Variants in PTPRG observed in about 807,000 individuals in gnomAD.
PTPRG encodes protein tyrosine phosphatase receptor type G.
In PTPRG, 102 loss-of-function variants were observed where a neutral mutation model predicts 165.3. That is an observed-to-expected ratio of 0.62 (90% CI 0.53 to 0.73). The LOEUF (loss-of-function observed/expected upper bound fraction) is 0.73. Among genes scored for constraint, PTPRG ranks in the 30% least tolerant of loss-of-function variants. The pLI is 0.00. For missense variants in PTPRG, 1,866 were observed against 1,861.4 expected (o/e 1.00, Z -0.05); for synonymous variants, 675 against 669.5 (o/e 1.01, Z -0.13).
chr3:62,241,839 C>T (rs1455509354), intron 14 of PTPRG, among the ~76,000 whole-genome samples: 1 of 151,914 alleles, frequency 6.6e-6, no homozygotes, highest in Admixed American at 6.5e-5. Context: ...TAAATTGCAT[C>T]CCATTCATCT....
chr3:61,732,328 A>G (rs2032533856), intron 1 of PTPRG, among the ~76,000 whole-genome samples: 1 of 152,200 alleles, frequency 6.6e-6, no homozygotes, highest in African/African-American at 2.4e-5. Context: ...CTGTAATCCC[A>G]GCACTATGGG....
At chr3:62,154,265 A>C (rs1211932949) in intron 6 of PTPRG, among the ~76,000 whole-genome samples, 1 of 152,170 alleles carries the variant, frequency 6.6e-6, no homozygotes, top group Non-Finnish European at 1.5e-5. Flanking sequence ...ACAAAGTCCT[A>C]AGATTCAATG....
At chr3:62,089,361 C>A (rs1701854796) in intron 5 of PTPRG, among the ~76,000 whole-genome samples, 1 of 152,166 alleles carries the variant, frequency 6.6e-6, no homozygotes, top group South Asian at 2.1e-4. Context: ...ATGATTTTCC[C>A]CATGTTCCTC....
At chr3:62,220,547 AAGG>A (rs1700627097) in intron 13 of PTPRG, among the ~76,000 whole-genome samples, 2 of 152,124 alleles carry the variant, frequency 1.3e-5, no homozygotes, top group South Asian at 2.1e-4. Context: ...AAGAATAAGG[AAGG>A]AGGTCATCTC....
At chr3:62,016,013 A>G (rs1179995941) in intron 4 of PTPRG, among the ~76,000 whole-genome samples, 1 of 152,108 alleles carries the variant, frequency 6.6e-6, no homozygotes, top group East Asian at 1.9e-4. Context: ...ATCAGTTTTC[A>G]CTGCATAATA....
At chr3:61,903,484 G>A (rs1383348272) in intron 2 of PTPRG, among the ~76,000 whole-genome samples, 9 of 152,164 alleles carry the variant, frequency 5.9e-5, no homozygotes, top group South Asian at 4.2e-4. Flanking sequence ...GGTGATTCTC[G>A]TGTCTCAGCC....
chr3:61,679,324 T>C (rs114416245), intron 1 of PTPRG, among the ~76,000 whole-genome samples: 2,028 of 152,300 alleles, frequency 0.013, 41 homozygotes, highest in African/African-American at 0.046. Context: ...GAATGCATGC[T>C]AGGGTTTTGA....
intron 2 of PTPRG, among the ~76,000 whole-genome samples, chr3:61,954,762 T>C (rs1436954381): frequency 6.6e-6 from 1 of 152,188 alleles, no homozygotes; most frequent in African/African-American, 2.4e-5. Flanking sequence ...AAATGTTTTG[T>C]GGTGATATTA....
chr3:61,593,400 GAAAA>G (rs4019828), intron 1 of PTPRG, among the ~76,000 whole-genome samples: 1 of 139,180 alleles, frequency 7.2e-6, no homozygotes, highest in Non-Finnish European at 1.5e-5. Flanking sequence ...TAATGAATTG[GAAAA>G]AAAAAAAAAA....
intron 1 of PTPRG, among the ~76,000 whole-genome samples, chr3:61,600,192 A>ATG (rs1258297289): frequency 0.019 from 2,009 of 106,446 alleles, 31 homozygotes; most frequent in South Asian, 0.029. Context: ...ATATATATAT[A>ATG]TGTGTGTGTG....
Position 61,878,583 on chromosome 3 carries a change from T to A in PTPRG, c.191-111042T>A, listed in dbSNP as rs2037805478. On this transcript the variant is annotated intron_variant, in intron 2 of 29. Transcript: ENST00000474889. ...ATCAGGGCTCACTGTAGCCTCAACC[T>A]CCTAGGCTCAAGCCATCCTCCTGCC... is the stretch of plus-strand genomic sequence containing the variant. 3.3e-5 allele frequency among the ~76,000 whole-genome samples: 5 copies of A among 152,228 alleles called. No homozygotes were observed. The South Asian group carries it at 8.3e-4, about 25-fold the overall frequency.
At chr3:61,612,276 A>G (rs925878127) in intron 1 of PTPRG, among the ~76,000 whole-genome samples, 1 of 152,192 alleles carries the variant, frequency 6.6e-6, no homozygotes, top group African/African-American at 2.4e-5. Flanking sequence ...CCCTGTTGCA[A>G]TCTGTGCAGT....
At chr3:61,841,008 C>G (rs1426248732) in intron 2 of PTPRG, among the ~76,000 whole-genome samples, 1 of 152,050 alleles carries the variant, frequency 6.6e-6, no homozygotes, top group Non-Finnish European at 1.5e-5. Flanking sequence ...TCTCGAACTC[C>G]TGACCTCAAG....
intron 17 of PTPRG, among the ~76,000 whole-genome samples, chr3:62,266,637 A>AT (rs1220247659): frequency 6.6e-6 from 1 of 151,848 alleles, no homozygotes; most frequent in Non-Finnish European, 1.5e-5. Flanking sequence ...GAGGTCAGTA[A>AT]TGCCTATGCT....
intron 1 of PTPRG, among the ~76,000 whole-genome samples, chr3:61,692,970 C>T (rs931635773): frequency 2.0e-5 from 3 of 152,140 alleles, no homozygotes; most frequent in Non-Finnish European, 2.9e-5. Context: ...TTTTCTTCTT[C>T]AGGGTCTTCC....
chr3:62,155,962 T>C (rs1278151371), intron 6 of PTPRG, among the ~76,000 whole-genome samples: 3 of 152,130 alleles, frequency 2.0e-5, no homozygotes, highest in Admixed American at 2.0e-4. Flanking sequence ...TTATTGCATC[T>C]CCAACAGGGA....
In PTPRG at chr3:62,203,414, C is replaced by T. The variant is rs779012226; in HGVS notation, c.1619C>T (p.Thr540Met). ...ACTGTGTGGCCCACGCGCCTCCCGA[C>T]GGCCGCCTCAGCCAGCAAGCAGGCG... ...PSTVWPTRLPTAASASKQAAR... is the reference protein window; with the variant it reads ...PSTVWPTRLPMAASASKQAAR... The change falls in exon 12 of 30, where the codon ACG becomes ATG. Residue 540 changes from threonine (T) to methionine (M), a missense_variant. Around this residue, in one of 3 missense-constraint regions of PTPRG, gnomAD observed 1,452 missense variants for 1,463.0 expected, o/e 0.99. Transcript: ENST00000474889. The surrounding 1 kb of genome is among the most constrained non-coding windows in gnomAD (Gnocchi z 6.4). 2.5e-5 allele frequency: 41 copies of T among 1,610,310 alleles called. No homozygotes were observed. The highest frequency in any genetic ancestry group is 5.0e-5 in the Admixed American group (3 of 59,542).
intron 8 of PTPRG, among the ~76,000 whole-genome samples, chr3:62,186,939 G>A (rs1699670912): frequency 1.3e-5 from 2 of 152,342 alleles, no homozygotes; most frequent in South Asian, 2.1e-4. Flanking sequence ...AAGATGGCAA[G>A]CCATGAGGCT....
intron 28 of PTPRG, among the ~76,000 whole-genome samples, chr3:62,283,674 C>T (rs990295759): frequency 6.6e-6 from 1 of 152,122 alleles, no homozygotes; most frequent in Non-Finnish European, 1.5e-5. Context: ...TACCAACTAG[C>T]TACCCAAGTA....
Sources: gnomAD v4.1 joint callset for allele counts (sites outside exome capture counted in the v4.1 genomes callset) on GRCh38, gnomAD v4.1.1 for gene constraint, gnomAD v4.1.1 regional missense constraint, Gnocchi (gnomAD v3.1) non-coding constraint, MANE v1.5 for transcripts, NCBI Gene and HGNC (gene_info 2026-07-23, HGNC 2026-07-21) for gene names.